The following PTPRK variants were observed in gnomAD, a reference collection of about 807,000 sequenced individuals.
PTPRK encodes the protein protein tyrosine phosphatase receptor type K.
Under a neutral mutation model 178.0 loss-of-function variants are expected in PTPRK, and 75 were observed. The ratio of observed to expected loss-of-function variants is 0.42; its 90% CI spans 0.35 to 0.51. PTPRK has a LOEUF of 0.51. Among genes scored for constraint, PTPRK ranks in the 20% least tolerant of loss-of-function variants. The pLI is 0.02. For synonymous variants in PTPRK, 637 were observed against 620.6 expected (o/e 1.03, Z -0.39); for missense variants, 1,441 against 1,797.8 (o/e 0.80, Z 3.59).
At chr6:128,128,884 C>T (rs1793786295) in intron 7 of PTPRK, among the ~76,000 whole-genome samples, 1 of 152,182 alleles carries the variant, frequency 6.6e-6, no homozygotes, top group African/African-American at 2.4e-5. Context: ...TCATTTGAAA[C>T]AGATGATAAA....
intron 15 of PTPRK, among the ~76,000 whole-genome samples, 159 bp from the exon 16 acceptor site, chr6:127,999,063 C>T (rs1777500696): frequency 6.6e-6 from 1 of 151,950 alleles, no homozygotes; most frequent in Non-Finnish European, 1.5e-5. Flanking sequence ...AGACAGTATC[C>T]CCAAAGACAA....
At chr6:128,408,796 C>T (rs1453545073) in intron 1 of PTPRK, among the ~76,000 whole-genome samples, 1 of 152,186 alleles carries the variant, frequency 6.6e-6, no homozygotes, top group Non-Finnish European at 1.5e-5. Context: ...AAAGAACAGA[C>T]TTGAAGGGCA....
intron 8 of PTPRK, among the ~76,000 whole-genome samples, chr6:128,087,419 A>G (rs1786080383): frequency 6.6e-6 from 1 of 152,120 alleles, no homozygotes; most frequent in Admixed American, 6.5e-5. Context: ...ACCTTATAAC[A>G]TTTATCCCAT....
At chr6:128,502,661 A>C (rs1314154086) in intron 1 of PTPRK, among the ~76,000 whole-genome samples, 2 of 152,224 alleles carry the variant, frequency 1.3e-5, no homozygotes, top group Non-Finnish European at 2.9e-5. Flanking sequence ...TATTAGTCAC[A>C]ACCATTATTT....
chr6:128,399,440 CTTAATA>C (rs1190731951), intron 1 of PTPRK, among the ~76,000 whole-genome samples: 1 of 152,138 alleles, frequency 6.6e-6, no homozygotes, highest in Non-Finnish European at 1.5e-5. Flanking sequence ...AACTCAAAAC[CTTAATA>C]TTGTCTTTTA....
intron 3 of PTPRK, among the ~76,000 whole-genome samples, chr6:128,254,549 C>T (rs900221409): frequency 6.6e-6 from 1 of 152,030 alleles, no homozygotes; most frequent in Admixed American, 6.6e-5. Flanking sequence ...AAAATGAAGA[C>T]ATTAAAAGTA....
intron 3 of PTPRK, among the ~76,000 whole-genome samples, chr6:128,295,868 C>G (rs559785565): frequency 6.6e-6 from 1 of 152,186 alleles, no homozygotes; most frequent in African/African-American, 2.4e-5. Flanking sequence ...TATTCATGGC[C>G]AGTAGGCTAC....
intron 7 of PTPRK, among the ~76,000 whole-genome samples, chr6:128,142,567 C>A (rs1265489087): frequency 6.6e-6 from 1 of 151,328 alleles, no homozygotes; most frequent in Admixed American, 6.6e-5. Context: ...TATATACACA[C>A]ACACACGTGT....
chr6:128,069,957 T>C (rs1782536556), intron 11 of PTPRK, among the ~76,000 whole-genome samples: 1 of 152,074 alleles, frequency 6.6e-6, no homozygotes, highest in South Asian at 2.1e-4. Context: ...ATCAATGCCT[T>C]GGGTTGAACT....
At chr6:128,503,168 G>T (rs1256093283) in intron 1 of PTPRK, among the ~76,000 whole-genome samples, 1 of 152,230 alleles carries the variant, frequency 6.6e-6, no homozygotes, top group Non-Finnish European at 1.5e-5. Flanking sequence ...AGAGGTTGCA[G>T]TGAGCCGAGA....
chr6:128,143,367 T>C (rs969752387), intron 7 of PTPRK, among the ~76,000 whole-genome samples: 1 of 152,176 alleles, frequency 6.6e-6, no homozygotes, highest in African/African-American at 2.4e-5. Context: ...AATTATCCGA[T>C]TTGAAATGCT....
At chr6:128,049,717 T>C (rs955999416) in intron 13 of PTPRK, among the ~76,000 whole-genome samples, 5 of 152,206 alleles carry the variant, frequency 3.3e-5, no homozygotes, top group African/African-American at 1.2e-4. Flanking sequence ...ATAGTTTCCT[T>C]AAGAAACAAA....
chr6:128,034,409 G>T (rs1014530906), intron 13 of PTPRK, among the ~76,000 whole-genome samples: 9 of 152,200 alleles, frequency 5.9e-5, no homozygotes, highest in Admixed American at 2.0e-4. Context: ...TAAGGAAAAA[G>T]AATCCGTAAA....
intron 3 of PTPRK, among the ~76,000 whole-genome samples, chr6:128,315,883 A>T (rs1827930971): frequency 6.6e-6 from 1 of 152,178 alleles, no homozygotes; most frequent in South Asian, 2.1e-4. Context: ...ATACACACTG[A>T]AGTGAAGAAA....
intron 15 of PTPRK, 82 bp from the exon 16 acceptor site, chr6:127,998,986 T>G: frequency 8.6e-7 from 1 of 1,160,620 alleles, no homozygotes; most frequent in Non-Finnish European, 1.2e-6. Context: ...ATGAAGATTT[T>G]AAGACCTTAA....
At position 128,322,381 on chromosome 6, in the gene PTPRK, T is replaced by C. The variant is rs1489148721; in HGVS notation, c.224-71A>G. 15 of 1,389,794 alleles carry C rather than the reference T, an allele frequency of 1.1e-5. No individual in the cohort carries two copies. In the East Asian group the frequency reaches 1.1e-4, roughly 11 times the overall value. The allele number at this position is 1,389,794 out of a possible 1,614,324, so 86.1% of individuals were successfully genotyped here. On this transcript the variant is annotated intron_variant, in intron 2 of 29. Coordinates refer to ENST00000368226, the MANE Select transcript of PTPRK (RefSeq NM_002844.4). Reference sequence around the variant, plus strand: ...AAGGGAACATATAACAATAAAAATATGCTAATCCATTCTGAGCATTAAATT... The same window carrying C: ...AAGGGAACATATAACAATAAAAATACGCTAATCCATTCTGAGCATTAAATT...
At chr6:128,137,988 C>T (rs918723264) in intron 7 of PTPRK, among the ~76,000 whole-genome samples, 2 of 152,064 alleles carry the variant, frequency 1.3e-5, no homozygotes, top group African/African-American at 4.8e-5. Context: ...ACATCCGGCA[C>T]ATATTTAGAA....
chr6:128,030,056 C>G (rs967089518), intron 13 of PTPRK, among the ~76,000 whole-genome samples: 2 of 152,078 alleles, frequency 1.3e-5, no homozygotes, highest in Non-Finnish European at 2.9e-5. Context: ...CATGAATTGC[C>G]CCAGAGTTGA....
chr6:128,434,649 C>G (rs553824546), intron 1 of PTPRK, among the ~76,000 whole-genome samples: 1 of 152,082 alleles, frequency 6.6e-6, no homozygotes, highest in Non-Finnish European at 1.5e-5. Flanking sequence ...TTAAAAAAAA[C>G]TAAGCATCAA....
Sources: allele counts gnomAD v4.1 joint callset (sites outside exome capture counted in the v4.1 genomes callset), GRCh38; gene constraint gnomAD v4.1.1; transcripts MANE v1.5; gene names NCBI Gene and HGNC (gene_info 2026-07-23, HGNC 2026-07-21).